Variants in ZBTB20 observed in about 807,000 individuals in gnomAD.
ZBTB20 encodes zinc finger and BTB domain containing 20.
ZBTB20 carries 9 observed loss-of-function variants against 56.9 expected under a neutral mutation model. That is an observed-to-expected ratio of 0.16 (90% CI 0.10 to 0.28). The LOEUF (loss-of-function observed/expected upper bound fraction) is 0.28, where lower values mean the gene tolerates loss of function less well. Among genes scored for constraint, ZBTB20 ranks in the 10% least tolerant of loss-of-function variants. ZBTB20 has a pLI of 1.00. For synonymous variants in ZBTB20, 417 were observed against 420.7 expected, an observed-to-expected ratio of 0.99 and a Z score of 0.11; for missense variants, 655 against 1,003.0, an observed-to-expected ratio of 0.65 and a Z score of 4.69.
intron 5 of ZBTB20, among the ~76,000 whole-genome samples, chr3:114,777,187 T>C (rs936218334): frequency 1.3e-5 from 2 of 152,188 alleles, no homozygotes; most frequent in African/African-American, 4.8e-5. Context: ...AAAGATAATA[T>C]GGAACCTAAA....
chr3:114,890,199 C>A (rs755383138), intron 4 of ZBTB20, among the ~76,000 whole-genome samples: 1 of 152,052 alleles, frequency 6.6e-6, no homozygotes, highest in Non-Finnish European at 1.5e-5. Flanking sequence ...ATAGAAATTC[C>A]TCCAAGCCAG....
intron 2 of ZBTB20, among the ~76,000 whole-genome samples, chr3:115,067,465 G>C (rs1193390320): frequency 6.7e-6 from 1 of 150,294 alleles, no homozygotes; most frequent in Non-Finnish European, 1.5e-5. Flanking sequence ...TCTTTATTTG[G>C]GCATATAAAT....
At chr3:114,529,986 A>G (rs902766925) in intron 6 of ZBTB20, among the ~76,000 whole-genome samples, 9 of 152,244 alleles carry the variant, frequency 5.9e-5, no homozygotes, top group Non-Finnish European at 1.3e-4. Context: ...TTAGTCTACA[A>G]TGGACCACAT....
chr3:114,508,549 C>T (rs1270595225), intron 6 of ZBTB20, among the ~76,000 whole-genome samples: 1 of 152,102 alleles, frequency 6.6e-6, no homozygotes, highest in African/African-American at 2.4e-5. Context: ...GGTAAAAATA[C>T]ACATACATAA....
At chr3:114,418,007 C>A (rs1035173460) in intron 7 of ZBTB20, among the ~76,000 whole-genome samples, 1 of 152,046 alleles carries the variant, frequency 6.6e-6, no homozygotes, top group Non-Finnish European at 1.5e-5. Flanking sequence ...GTACGCCCAC[C>A]TTGGGTAAAT....
chr3:114,626,078 G>C (rs1454435567), intron 6 of ZBTB20, among the ~76,000 whole-genome samples: 1 of 152,158 alleles, frequency 6.6e-6, no homozygotes, highest in African/African-American at 2.4e-5. Context: ...AACAGAAGGA[G>C]AGCAACAGAC....
intron 3 of ZBTB20, among the ~76,000 whole-genome samples, chr3:114,971,735 CA>C (rs1442883426): frequency 1.3e-5 from 2 of 152,170 alleles, no homozygotes; most frequent in Admixed American, 6.5e-5. Flanking sequence ...CTTTGTATTA[CA>C]ATGGAACTTA....
intron 7 of ZBTB20, among the ~76,000 whole-genome samples, chr3:114,392,680 T>C (rs2085986376): frequency 6.6e-6 from 1 of 152,228 alleles, no homozygotes; most frequent in African/African-American, 2.4e-5. Flanking sequence ...TTTAAATGTT[T>C]ACTTGTTTTT....
chr3:114,850,430 T>C (rs1465160036), intron 4 of ZBTB20, among the ~76,000 whole-genome samples: 2 of 152,190 alleles, frequency 1.3e-5, no homozygotes, highest in Admixed American at 6.5e-5. Flanking sequence ...GTAAGAAACA[T>C]AGTAATCCCT....
intron 7 of ZBTB20, among the ~76,000 whole-genome samples, chr3:114,454,175 GGAGAGAGAGAGAGA>G (rs71146322): frequency 1.1e-4 from 13 of 116,692 alleles, no homozygotes; most frequent in East Asian, 2.6e-4. Context: ...AAAAGAGAAG[GGAGAGAGAGAGAGA>G]GAGAGAGAGA....
intron 4 of ZBTB20, among the ~76,000 whole-genome samples, chr3:114,803,035 C>A (rs1014231015): frequency 6.8e-6 from 1 of 147,838 alleles, no homozygotes; most frequent in Non-Finnish European, 1.5e-5. Flanking sequence ...AATTTTCATT[C>A]CCCCCCCATG....
intron 1 of ZBTB20, among the ~76,000 whole-genome samples, chr3:115,099,831 G>A (rs1418004536): frequency 2.0e-5 from 3 of 152,066 alleles, no homozygotes; most frequent in East Asian, 1.9e-4. Flanking sequence ...AAACAGACAA[G>A]AAAAGCAAAG....
chr3:114,457,503 G>A (rs964120551), intron 7 of ZBTB20, among the ~76,000 whole-genome samples: 5 of 152,172 alleles, frequency 3.3e-5, no homozygotes. Context: ...TGGCAGTAGA[G>A]ATTATAAAGT....
chr3:114,692,559 C>G (rs2062762033), intron 6 of ZBTB20, among the ~76,000 whole-genome samples: 1 of 152,098 alleles, frequency 6.6e-6, no homozygotes, highest in African/African-American at 2.4e-5. Flanking sequence ...CATGACTAAA[C>G]AGGCCTAGAT....
At chr3:114,801,437 C>T (rs2071713033) in intron 4 of ZBTB20, among the ~76,000 whole-genome samples, 1 of 148,916 alleles carries the variant, frequency 6.7e-6, no homozygotes, top group African/African-American at 2.5e-5. Flanking sequence ...AATACGCCTC[C>T]ATGTTAAGGA....
chr3:114,839,465 A>AAGAAAGAAAGAAAG (rs767019231), intron 4 of ZBTB20, among the ~76,000 whole-genome samples: 138 of 148,316 alleles, frequency 9.3e-4, no homozygotes, highest in South Asian at 3.5e-3. Flanking sequence ...GAAAGAAAGA[A>AAGAAAGAAAGAAAG]AGAGAGAGAG....
In ZBTB20 at chr3:114,331,912, T is replaced by C. The variant is rs1444859167; in HGVS notation, c.*7093A>G. On this transcript the variant is annotated 3_prime_UTR_variant, in exon 12 of 12. Transcript: ENST00000675478. ...TGTGTGCACATGTATAAATAATGTATACTCATTTATAGACATTTTGGACAG... is the reference window on the plus strand; with the variant it reads ...TGTGTGCACATGTATAAATAATGTACACTCATTTATAGACATTTTGGACAG... 6.6e-6 allele frequency: 1 copy of C among 152,020 alleles called. No homozygotes were observed. Among genetic ancestry groups the C allele is most frequent in the Non-Finnish European group, 1.5e-5 (1 of 67,886 alleles). 9.4% of individuals were successfully genotyped at this position (152,020 alleles called of 1,614,324 possible). A position where few individuals can be genotyped will look rare whatever the true frequency, so the allele number is the denominator to read the frequency against.
At chr3:114,499,704 G>T (rs1276873506) in intron 7 of ZBTB20, among the ~76,000 whole-genome samples, 1 of 151,848 alleles carries the variant, frequency 6.6e-6, no homozygotes, top group African/African-American at 2.4e-5. Flanking sequence ...AATAATGAAC[G>T]TTCTCTTTTT....
chr3:115,131,678 A>G (rs562482165), intron 1 of ZBTB20, among the ~76,000 whole-genome samples: 134 of 152,330 alleles, frequency 8.8e-4, no homozygotes, highest in African/African-American at 3.0e-3. Context: ...TATGCAAATT[A>G]TAATTTTAAT....
Sources: allele counts gnomAD v4.1 joint callset (sites outside exome capture counted in the v4.1 genomes callset), GRCh38; gene constraint gnomAD v4.1.1; transcripts MANE v1.5; gene names NCBI Gene and HGNC (gene_info 2026-07-23, HGNC 2026-07-21).